Variants in COL9A1 observed in about 807,000 individuals in gnomAD.
The protein encoded by COL9A1 is collagen alpha-1(IX) chain.
COL9A1 carries 104 observed loss-of-function variants against 142.6 expected under a neutral mutation model. The ratio of observed to expected loss-of-function variants is 0.73; its 90% confidence interval spans 0.62 to 0.86. COL9A1 has a LOEUF of 0.86. Among genes scored for constraint, COL9A1 ranks in the 40% least tolerant of loss-of-function variants. The probability of loss-of-function intolerance (pLI) is 0.00; values close to 1 mark genes in which losing one functional copy is unlikely to be tolerated. For synonymous variants in COL9A1, 466 were observed against 396.0 expected (o/e 1.18, Z -2.10); for missense variants, 1,210 against 1,176.6 (o/e 1.03, Z -0.42).
chr6:70,272,845 T>C (rs556632372), intron 12 of COL9A1, among the ~76,000 whole-genome samples: 1 of 152,288 alleles, frequency 6.6e-6, no homozygotes, highest in South Asian at 2.1e-4. Context: ...AATATGCTCG[T>C]TGAAATTAAA....
At chr6:70,295,607 C>T (rs16868975) in intron 4 of COL9A1, among the ~76,000 whole-genome samples, 8,023 of 152,032 alleles carry the variant, frequency 0.053, 230 homozygotes, top group Middle Eastern at 0.092. Flanking sequence ...CTTAATCTGC[C>T]AACTAAGTCT....
At position 70,249,165 on chromosome 6, in the gene COL9A1, G is replaced by A. The variant is rs537875132; in HGVS notation, c.1872+2955C>T. Reference sequence around the variant, plus strand: ...GATTTTAGACTTTCTCTTACTGTCCGTGGAAATCCACTGAAGATTTTTAAA... The same window carrying A: ...GATTTTAGACTTTCTCTTACTGTCCATGGAAATCCACTGAAGATTTTTAAA... On this transcript the variant is annotated intron_variant, in intron 28 of 37. Coordinates refer to ENST00000357250, the MANE Select transcript of COL9A1 (RefSeq NM_001851.6). Among the ~76,000 whole-genome samples the A allele has an allele frequency of 5.3e-4, 62 of 117,958 alleles. No homozygotes were observed. The South Asian group carries it at 5.8e-3, about 11-fold the overall frequency. The allele number at this position is 117,958 out of a possible 152,430, so 77.4% of individuals were successfully genotyped here.
At chr6:70,280,786 C>A in intron 10 of COL9A1, 26 bp downstream of exon 10, 3 of 1,605,134 alleles carry the variant, frequency 1.9e-6, no homozygotes, top group South Asian at 1.1e-5. Context: ...CCAGGCTGGG[C>A]GCCCTCCCAG....
chr6:70,235,030 G>A lies in COL9A1; in HGVS notation c.2113-90C>T, dbSNP rs72923125. The A allele has an allele frequency of 0.021, 32,055 of 1,530,238 alleles. 794 individuals carry two copies. Among genetic ancestry groups the A allele is most frequent in the East Asian group, 0.098 (4,243 of 43,200 alleles). The allele number at this position is 1,530,238 out of a possible 1,614,324, so 94.8% of individuals were successfully genotyped here. On this transcript the variant is annotated intron_variant, in intron 33 of 37. Coordinates refer to ENST00000357250, the MANE Select transcript of COL9A1 (RefSeq NM_001851.6). ...ATATAAACACTTATATGAAATTTGC[G>A]GTTTCCTGCACTCTGCATCCTAACA...
At chr6:70,264,799 TACC>T (rs1489058696) in intron 18 of COL9A1, among the ~76,000 whole-genome samples, 1 of 152,142 alleles carries the variant, frequency 6.6e-6, no homozygotes, top group African/African-American at 2.4e-5. Flanking sequence ...ATGTTACAAA[TACC>T]ACAACATTTT....
At chr6:70,268,730 G>A in intron 17 of COL9A1, 74 bp downstream of exon 17, 2 of 1,359,280 alleles carry the variant, frequency 1.5e-6, no homozygotes, top group Middle Eastern at 1.8e-4. Context: ...GCACCAGGAA[G>A]GCTAATGCTT....
intron 4 of COL9A1, among the ~76,000 whole-genome samples, chr6:70,295,085 C>T (rs1288334325): frequency 2.6e-5 from 4 of 152,028 alleles, no homozygotes; most frequent in Non-Finnish European, 5.9e-5. Context: ...TATTCCACTC[C>T]ACAATTATAT....
At chr6:70,296,203 G>T (rs1215725748) in intron 4 of COL9A1, among the ~76,000 whole-genome samples, 8 of 151,956 alleles carry the variant, frequency 5.3e-5, no homozygotes, top group Admixed American at 5.2e-4. Context: ...ATAACAAAAA[G>T]GTTAACTTTT....
intron 4 of COL9A1, among the ~76,000 whole-genome samples, chr6:70,294,883 T>C (rs943948078): frequency 2.0e-5 from 3 of 152,182 alleles, no homozygotes; most frequent in African/African-American, 7.2e-5. Flanking sequence ...AGCAATTTCA[T>C]CTCAGCCAAA....
intron 20 of COL9A1, among the ~76,000 whole-genome samples, chr6:70,259,638 C>T (rs894692533): frequency 3.9e-5 from 6 of 152,140 alleles, no homozygotes; most frequent in African/African-American, 1.4e-4. Context: ...TTCATGGGCC[C>T]TCTCAGTTTC....
downstream of COL9A1, chr6:70,215,108 T>A (rs1438314710): frequency 1.3e-5 from 2 of 152,090 alleles, no homozygotes; most frequent in African/African-American, 4.8e-5. Context: ...CCTGAAAAAG[T>A]TTGCCATTTT....
At position 70,300,120 on chromosome 6, in the gene COL9A1, G is replaced by A. The variant is rs749467578; in HGVS notation, c.222C>T (p.Ile74=). The change falls in exon 4 of 38, where the codon ATC becomes ATT. Residue 74 remains isoleucine, a synonymous_variant. Coordinates refer to ENST00000357250, the MANE Select transcript of COL9A1 (RefSeq NM_001851.6). ...ATGTAGCTGATCCCACTACTCTCTG[G>A]ATAGCTCTTCTAGATGCTGCTTTAT... is the stretch of plus-strand genomic sequence containing the variant. ...QVDKAASRRA[I]QRVVGSATLQ... is the part of the protein sequence containing the mutation. 6.2e-7 allele frequency: 1 copy of A among 1,613,680 alleles called. No homozygotes were observed. Among genetic ancestry groups the A allele is most frequent in the South Asian group, 1.1e-5 (1 of 91,060 alleles).
chr6:70,301,958 G>T, intron 2 of COL9A1, 43 bp downstream of exon 2: 1 of 1,484,782 alleles, frequency 6.7e-7, no homozygotes, highest in Non-Finnish European at 9.3e-7. Flanking sequence ...GATCATTTCT[G>T]GGAATAAGTG....
At chr6:70,263,050 C>T (rs537392162) in intron 19 of COL9A1, among the ~76,000 whole-genome samples, 194 bp downstream of exon 19, 14 of 152,030 alleles carry the variant, frequency 9.2e-5, no homozygotes, top group African/African-American at 3.1e-4. Flanking sequence ...TAAAAAAGTG[C>T]TAGAATATAT....
In COL9A1 at chr6:70,232,753, G is replaced by A. The variant is rs767229176; in HGVS notation, c.2333C>T (p.Ala778Val). 11 of 1,613,280 alleles carry A rather than the reference G, an allele frequency of 6.8e-6. No individual in the cohort carries two copies. Among genetic ancestry groups the A allele is most frequent in the Non-Finnish European group, 8.5e-6 (10 of 1,179,676 alleles). Residue 778 changes from alanine to valine, a missense_variant, in exon 36 of 38, where the codon GCT (alanine) becomes GTT (valine). Coordinates refer to ENST00000357250, the MANE Select transcript of COL9A1 (RefSeq NM_001851.6). ...RVIQEHFAEM[A>V]ASLKRPDSGA... Reference sequence around the variant, plus strand: ...TGAGTCTGGACGCTTAAGACTGGCAGCCATCTCAGCAAAATGTTCTAAAAG... The same window carrying A: ...TGAGTCTGGACGCTTAAGACTGGCAACCATCTCAGCAAAATGTTCTAAAAG...
intron 17 of COL9A1, among the ~76,000 whole-genome samples, chr6:70,267,319 G>GTTTTTTTTTTTTTTTTTTTTTTT (rs1050364230): frequency 5.0e-5 from 5 of 99,664 alleles, no homozygotes; most frequent in Non-Finnish European, 8.8e-5. Context: ...TGTTTGTTTG[G>GTTTTTTTTTTTTTTTTTTTTTTT]TTTTTTTGTT....
chr6:70,269,111 A>G (rs1401326010), intron 16 of COL9A1, among the ~76,000 whole-genome samples: 1 of 152,244 alleles, frequency 6.6e-6, no homozygotes, highest in Non-Finnish European at 1.5e-5. Flanking sequence ...TACCATCCAG[A>G]TTTAATAAAT....
In COL9A1 at chr6:70,283,818, A is replaced by C. The variant is rs1178966638; in HGVS notation, c.699T>G (p.Phe233Leu). Residue 233 changes from phenylalanine to leucine, a missense_variant and splice_region_variant, in exon 6 of 38, where the codon TTT (phenylalanine) becomes TTG (leucine). Physicochemically the swap from Phe to Leu is conservative, Grantham distance 22 (BLOSUM62 0). Transcript: ENST00000357250. ...LADNPQVSVP[F>L]ELQWMLIHCD... ...AATGGATCAGCATCCATTGAAGTTC[A>C]AACTGGAGAAAGGTAGTAGACAGTC... 1 of 1,603,476 alleles carries C rather than the reference A, an allele frequency of 6.2e-7. No homozygotes were observed. Among genetic ancestry groups the C allele is most frequent in the Non-Finnish European group, 8.5e-7 (1 of 1,174,418 alleles).
chr6:70,284,459 A>T (rs981232334), intron 5 of COL9A1, among the ~76,000 whole-genome samples: 1 of 152,206 alleles, frequency 6.6e-6, no homozygotes. Flanking sequence ...GATATAAAAT[A>T]TTTAATTTTT....
Sources: allele counts gnomAD v4.1 joint callset (sites outside exome capture counted in the v4.1 genomes callset), GRCh38; gene constraint gnomAD v4.1.1; transcripts MANE v1.5; gene names NCBI Gene and HGNC (gene_info 2026-07-23, HGNC 2026-07-21).